The following IQCM variants were observed in gnomAD, a reference collection of about 807,000 sequenced individuals.
IQCM encodes the protein IQ motif containing M, also known as IQ domain-containing protein M.
In IQCM, 45 loss-of-function variants were observed where a neutral mutation model predicts 57.6. The observed-to-expected ratio is 0.78, with a 90% CI of 0.62 to 1.00. The LOEUF is 1.00. Ranked by LOEUF, IQCM falls within the 50% of genes least tolerant of loss-of-function variation. IQCM has a pLI of 0.00. For missense variants in IQCM, 468 were observed against 511.6 expected (o/e 0.91, Z 0.82); for synonymous variants, 148 against 158.9 (o/e 0.93, Z 0.51).
At position 149,733,455 on chromosome 4, in the gene IQCM, C is replaced by T. The variant is rs867031811; in HGVS notation, c.174G>A (p.Pro58=). ...CCAAAGGTATGTATTTGCCAGATTT[C>T]GGTTTTTGGTGTTTCTTTCTAAAAA... is the stretch of plus-strand genomic sequence containing the variant. ...INVFRKKHQK[P]KSGKYIPLEI... is the part of the protein sequence containing the mutation. The change falls in exon 5 of 14, where the codon CCG becomes CCA. Residue 58 remains proline, a synonymous_variant. Coordinates refer to ENST00000636793, the MANE Select transcript of IQCM (RefSeq NM_001363507.2). 19 of 1,231,392 alleles carry T rather than the reference C, an allele frequency of 1.5e-5. No homozygotes were observed. The highest frequency in any genetic ancestry group is 4.7e-5 in the African/African-American group (3 of 64,330). 76.3% of individuals were successfully genotyped at this position (1,231,392 alleles called of 1,614,324 possible). A position where few individuals can be genotyped will look rare whatever the true frequency, so the allele number is the denominator to read the frequency against.
At chr4:149,566,572 C>T (rs908129665) in intron 9 of IQCM, among the ~76,000 whole-genome samples, 2 of 151,898 alleles carry the variant, frequency 1.3e-5, no homozygotes, top group Non-Finnish European at 2.9e-5. Flanking sequence ...ACAACAGAGG[C>T]AGAGAGAGAA....
rs1767206120 is a variant in IQCM at position 149,739,060 on chromosome 4, G to A, written c.37+3595C>T. On this transcript the variant is annotated intron_variant, in intron 3 of 13. Transcript: ENST00000636793. ...CATAATGGGGTAAGAATATAAGCTT[G>A]CATCTTTTACACATTCAAGTGCACT... Among the ~76,000 whole-genome samples the A allele has an allele frequency of 2.0e-5, 3 of 152,204 alleles. No homozygotes were observed. The South Asian group carries it at 6.2e-4, about 32-fold the overall frequency.
rs911757933 is a variant in IQCM, at chr4:149,700,316, G to T, written c.386-13848C>A. 4.6e-5 allele frequency among the ~76,000 whole-genome samples: 7 copies of T among 151,916 alleles called. No homozygotes were observed. In the South Asian group the frequency reaches 1.2e-3, roughly 27 times the overall value. On this transcript the variant is annotated intron_variant, in intron 5 of 13. Coordinates refer to ENST00000636793, the MANE Select transcript of IQCM (RefSeq NM_001363507.2). ...TATCTTTAGTCCATCAATTAATCCG[G>T]CCCCTTGTAATTGTTCTCCAAGCTT...
chr4:149,725,122 A>G (rs1246634793), intron 5 of IQCM, among the ~76,000 whole-genome samples: 1 of 152,168 alleles, frequency 6.6e-6, no homozygotes. Flanking sequence ...ATTTGATACT[A>G]TAATTGTTAC....
intron 7 of IQCM, among the ~76,000 whole-genome samples, chr4:149,668,879 T>G (rs1204520890): frequency 6.6e-6 from 1 of 152,006 alleles, no homozygotes; most frequent in East Asian, 1.9e-4. Flanking sequence ...AGCAAAATTC[T>G]CCAAAGAGAA....
chr4:149,608,762 G>T (rs1166761871), intron 8 of IQCM, among the ~76,000 whole-genome samples: 1 of 151,722 alleles, frequency 6.6e-6, no homozygotes, highest in Non-Finnish European at 1.5e-5. Flanking sequence ...AGCCAAAGAA[G>T]CATTGAATGA....
chr4:149,794,382 T>C (rs1772919996), intron 2 of IQCM, among the ~76,000 whole-genome samples: 1 of 152,244 alleles, frequency 6.6e-6, no homozygotes, highest in African/African-American at 2.4e-5. Flanking sequence ...CTTATCTGCC[T>C]ATTACACAGT....
At chr4:149,461,662 A>G (rs1738304037) in intron 12 of IQCM, among the ~76,000 whole-genome samples, 2 of 151,706 alleles carry the variant, frequency 1.3e-5, no homozygotes, top group Admixed American at 6.6e-5. Flanking sequence ...TCCAAAAAAA[A>G]AAAAAACAAG....
intron 7 of IQCM, among the ~76,000 whole-genome samples, chr4:149,661,038 G>A (rs1760151436): frequency 6.6e-6 from 1 of 151,684 alleles, no homozygotes; most frequent in Non-Finnish European, 1.5e-5. Flanking sequence ...AAGATAAATG[G>A]GTATCTTTGT....
intron 13 of IQCM, among the ~76,000 whole-genome samples, chr4:149,423,884 T>TG (rs1349182327): frequency 6.6e-6 from 1 of 151,894 alleles, no homozygotes; most frequent in Non-Finnish European, 1.5e-5. Context: ...ATTTATTAAA[T>TG]AAAAAATTTA....
Position 149,726,234 on chromosome 4 carries a change from T to C in IQCM, c.385+7010A>G, listed in dbSNP as rs368895322. Among the ~76,000 whole-genome samples the C allele has an allele frequency of 2.5e-4, 38 of 152,260 alleles. No individual in the cohort carries two copies. The South Asian group carries it at 7.9e-3, about 32-fold the overall frequency. On this transcript the variant is annotated intron_variant, in intron 5 of 13. Coordinates refer to ENST00000636793, the MANE Select transcript of IQCM (RefSeq NM_001363507.2). The stretch of plus-strand genomic sequence containing the variant: ...TTGATTATTTCACCCTTCTCCTTGC[T>C]CCTCAAAACCCCAACACTTTCGGTC...
chr4:149,628,424 T>A lies in IQCM; in HGVS notation c.566-7180A>T, dbSNP rs565053425. ...TGTAATGGCAGAATAAAAATGTACT[T>A]CAGAGTTAGTAGGAGTATAAGTGAC... On this transcript the variant is annotated intron_variant, in intron 7 of 13. Transcript: ENST00000636793. Among the ~76,000 whole-genome samples, 42 of 152,220 alleles carry A rather than the reference T, an allele frequency of 2.8e-4. No homozygotes were observed. The East Asian group carries it at 7.5e-3, about 27-fold the overall frequency.
At chr4:149,538,723 T>C (rs1211140317) in intron 12 of IQCM, among the ~76,000 whole-genome samples, 1 of 151,844 alleles carries the variant, frequency 6.6e-6, no homozygotes, top group Non-Finnish European at 1.5e-5. Flanking sequence ...GGAAAAATCA[T>C]AGAAGAAAAA....
At chr4:149,497,982 T>C (rs977113732) in intron 12 of IQCM, among the ~76,000 whole-genome samples, 3 of 152,148 alleles carry the variant, frequency 2.0e-5, no homozygotes, top group African/African-American at 7.2e-5. Flanking sequence ...ATGTCATAGA[T>C]GTGATAAAAC....
chr4:149,649,600 C>G (rs1360867066), intron 7 of IQCM, among the ~76,000 whole-genome samples: 1 of 151,882 alleles, frequency 6.6e-6, no homozygotes, highest in Non-Finnish European at 1.5e-5. Flanking sequence ...TACCACCTAC[C>G]CATTAACTGA....
chr4:149,513,298 A>T (rs1354400086), intron 12 of IQCM, among the ~76,000 whole-genome samples: 1 of 152,162 alleles, frequency 6.6e-6, no homozygotes, highest in Non-Finnish European at 1.5e-5. Context: ...CATCCTATTT[A>T]TAGTGCCCAA....
At chr4:149,737,300 C>T (rs1446114949) in intron 3 of IQCM, among the ~76,000 whole-genome samples, 3 of 151,878 alleles carry the variant, frequency 2.0e-5, no homozygotes, top group Non-Finnish European at 4.4e-5. Flanking sequence ...TCAATGTACA[C>T]CTAAGATTTG....
intron 13 of IQCM, among the ~76,000 whole-genome samples, chr4:149,356,094 TG>T (rs1364612304): frequency 2.0e-5 from 3 of 152,252 alleles, no homozygotes; most frequent in South Asian, 4.1e-4. Context: ...TGGGGCTGTT[TG>T]TTTTTTTCTT....
intron 5 of IQCM, among the ~76,000 whole-genome samples, chr4:149,723,857 G>A (rs1214979344): frequency 6.6e-6 from 1 of 151,788 alleles, no homozygotes; most frequent in African/African-American, 2.4e-5. Flanking sequence ...AGTTTCAGTA[G>A]GATTGATACC....
Sources: gnomAD v4.1 joint callset for allele counts (sites outside exome capture counted in the v4.1 genomes callset) on GRCh38, gnomAD v4.1.1 for gene constraint, MANE v1.5 for transcripts, NCBI Gene and HGNC (gene_info 2026-07-23, HGNC 2026-07-21) for gene names.